Variants in EXOC4 observed in about 807,000 individuals in gnomAD.
The protein encoded by EXOC4 is exocyst complex component 4, also known as SEC8-like 1.
Under a neutral mutation model 107.2 loss-of-function variants are expected in EXOC4, and 71 were observed. The ratio of observed to expected loss-of-function variants is 0.66; its 90% CI spans 0.55 to 0.81. The LOEUF is 0.81. Ranked by LOEUF, EXOC4 falls within the 30% of genes least tolerant of loss-of-function variation. The probability of loss-of-function intolerance (pLI) is 0.00; values close to 1 mark genes in which losing one functional copy is unlikely to be tolerated. For synonymous variants in EXOC4, 456 were observed against 441.2 expected, an observed-to-expected ratio of 1.03 and a Z score of -0.42; for missense variants, 1,108 against 1,189.6, an observed-to-expected ratio of 0.93 and a Z score of 1.01.
chr7:133,484,224 A>G (rs1799222978), intron 9 of EXOC4: 36 of 1,452,642 alleles, frequency 2.5e-5, no homozygotes, highest in Non-Finnish European at 3.3e-5. Context: ...TTATCAATGC[A>G]TCTCAATAGG....
At chr7:133,737,369 C>A (rs1462655382) in intron 10 of EXOC4, among the ~76,000 whole-genome samples, 1 of 152,070 alleles carries the variant, frequency 6.6e-6, no homozygotes, top group Non-Finnish European at 1.5e-5. Flanking sequence ...CTAAACTGGG[C>A]TGCTTGCTGT....
chr7:134,070,064 TG>T (rs5887656), downstream of EXOC4, among the ~76,000 whole-genome samples: 112,478 of 152,074 alleles, frequency 0.74, 41,994 homozygotes, highest in East Asian at 0.87. Flanking sequence ...GAAAGCAAAG[TG>T]GGTGCTGAAA....
chr7:133,283,052 T>A (rs1042776527), intron 2 of EXOC4, among the ~76,000 whole-genome samples: 2 of 152,246 alleles, frequency 1.3e-5, no homozygotes, highest in Non-Finnish European at 2.9e-5. Context: ...TGTGTCTGGC[T>A]GATTTCACTT....
At chr7:133,267,989 AG>A (rs1793773999) in intron 1 of EXOC4, among the ~76,000 whole-genome samples, 1 of 152,206 alleles carries the variant, frequency 6.6e-6, no homozygotes, top group Non-Finnish European at 1.5e-5. Flanking sequence ...GATAGGCTTT[AG>A]GGGATTTGGG....
chr7:133,789,479 C>T (rs894476797), intron 10 of EXOC4, among the ~76,000 whole-genome samples: 1 of 152,122 alleles, frequency 6.6e-6, no homozygotes, highest in Non-Finnish European at 1.5e-5. Flanking sequence ...TAGTTTCACA[C>T]TGATGATATA....
intron 10 of EXOC4, among the ~76,000 whole-genome samples, chr7:133,788,888 G>C (rs1796646489): frequency 6.6e-6 from 1 of 152,102 alleles, no homozygotes; most frequent in South Asian, 2.1e-4. Flanking sequence ...ACTTTTTCTA[G>C]ATGGCAAGAT....
At position 133,987,245 on chromosome 7, in the gene EXOC4, G is replaced by T. The variant is rs551484166; in HGVS notation, c.2207-10247G>T. Reference sequence around the variant, plus strand: ...GGAAGCTGAGGTGAGAAAATCATTTGACCCCAAGAGTTTGAGACCAGCGTA... The same window carrying T: ...GGAAGCTGAGGTGAGAAAATCATTTTACCCCAAGAGTTTGAGACCAGCGTA... On this transcript the variant is annotated intron_variant, in intron 14 of 17. Coordinates refer to ENST00000253861, the MANE Select transcript of EXOC4 (RefSeq NM_021807.4). Among the ~76,000 whole-genome samples, 201 of 152,182 alleles carry T rather than the reference G, an allele frequency of 1.3e-3. 1 individual carries two copies. The highest frequency in any genetic ancestry group is 4.7e-3 in the African/African-American group (197 of 41,538).
chr7:133,385,918 G>A (rs554825671), intron 7 of EXOC4, among the ~76,000 whole-genome samples: 100 of 152,264 alleles, frequency 6.6e-4, no homozygotes, highest in African/African-American at 2.1e-3. Context: ...TTTGTGTTGA[G>A]GAATATGGCC....
chr7:133,661,429 G>A (rs1454663283), intron 10 of EXOC4, among the ~76,000 whole-genome samples: 1 of 152,080 alleles, frequency 6.6e-6, no homozygotes, highest in Non-Finnish European at 1.5e-5. Flanking sequence ...GGGCAAAAGT[G>A]TAAAAGTTTG....
At chr7:133,785,774 G>A (rs1237947692) in intron 10 of EXOC4, among the ~76,000 whole-genome samples, 1 of 151,828 alleles carries the variant, frequency 6.6e-6, no homozygotes. Flanking sequence ...CCGGGTTCAT[G>A]CCATTCTCCT....
intron 17 of EXOC4, among the ~76,000 whole-genome samples, chr7:134,036,915 T>A (rs1415814851): frequency 1.3e-5 from 2 of 152,148 alleles, no homozygotes; most frequent in African/African-American, 4.8e-5. Flanking sequence ...TTCTTTACAC[T>A]TTAGGGTGGT....
At chr7:133,256,835 G>T (rs1481477148) in intron 1 of EXOC4, among the ~76,000 whole-genome samples, 1 of 151,550 alleles carries the variant, frequency 6.6e-6, no homozygotes, top group African/African-American at 2.4e-5. Flanking sequence ...TAGGCATGGG[G>T]AATATCCGAA....
intron 7 of EXOC4, among the ~76,000 whole-genome samples, chr7:133,376,738 G>A (rs1337315875): frequency 6.6e-6 from 1 of 152,208 alleles, no homozygotes; most frequent in African/African-American, 2.4e-5. Flanking sequence ...TGTGGGGAAA[G>A]CTTGCTGAAC....
At chr7:134,045,580 A>T (rs985396094) in intron 17 of EXOC4, among the ~76,000 whole-genome samples, 1 of 152,238 alleles carries the variant, frequency 6.6e-6, no homozygotes, top group African/African-American at 2.4e-5. Flanking sequence ...TCAGGGTTCC[A>T]GTTTATAGGA....
chr7:133,376,713 G>A (rs2150692860), intron 7 of EXOC4, among the ~76,000 whole-genome samples: 1 of 152,334 alleles, frequency 6.6e-6, no homozygotes, highest in African/African-American at 2.4e-5. Flanking sequence ...CAGTGTTGGA[G>A]CTCAGACCAG....
the EXOC4 span, among the ~76,000 whole-genome samples, chr7:134,080,811 T>C: frequency 5.9e-5 from 9 of 151,794 alleles, no homozygotes; most frequent in Admixed American, 5.9e-4. Flanking sequence ...CCAGGCATGG[T>C]AGTACCCACC....
At chr7:133,755,903 T>C (rs1023747325) in intron 10 of EXOC4, among the ~76,000 whole-genome samples, 1 of 152,166 alleles carries the variant, frequency 6.6e-6, no homozygotes, top group African/African-American at 2.4e-5. Flanking sequence ...CTCTTCATCC[T>C]CCATGACTTA....
chr7:133,654,400 A>G (rs1803236045), intron 10 of EXOC4, among the ~76,000 whole-genome samples: 1 of 152,176 alleles, frequency 6.6e-6, no homozygotes, highest in Admixed American at 6.6e-5. Flanking sequence ...TGGGATTATT[A>G]GGAGAAGATG....
the EXOC4 span, among the ~76,000 whole-genome samples, chr7:134,097,759 G>A: frequency 3.9e-4 from 60 of 152,236 alleles, no homozygotes; most frequent in African/African-American, 1.4e-3. Context: ...CATTATTTCA[G>A]CCTCCCTAGG....
Sources: gnomAD v4.1 joint callset for allele counts (sites outside exome capture counted in the v4.1 genomes callset) on GRCh38, gnomAD v4.1.1 for gene constraint, MANE v1.5 for transcripts, NCBI Gene and HGNC (gene_info 2026-07-23, HGNC 2026-07-21) for gene names.